TWSG1: variants seen among roughly 807,000 people sequenced by gnomAD.
The protein encoded by TWSG1 is twisted gastrulation BMP signaling modulator 1, also known as twisted gastrulation protein homolog 1.
Under a neutral mutation model 23.0 loss-of-function variants are expected in TWSG1, and 15 were observed. The ratio of observed to expected loss-of-function variants is 0.65; its 90% CI spans 0.44 to 1.00. The LOEUF is 1.00. Among genes scored for constraint, TWSG1 ranks in the 50% least tolerant of loss-of-function variants. The pLI is 0.00. For missense variants in TWSG1, 242 were observed against 278.7 expected (o/e 0.87, Z 0.94); for synonymous variants, 86 against 92.8 (o/e 0.93, Z 0.42).
intron 3 of TWSG1, among the ~76,000 whole-genome samples, chr18:9,361,035 C>T (rs1329085127): frequency 1.3e-5 from 2 of 152,040 alleles, no homozygotes; most frequent in African/African-American, 4.8e-5. Flanking sequence ...CAGTATTTAC[C>T]TTAATAATCA....
intron 3 of TWSG1, among the ~76,000 whole-genome samples, chr18:9,381,159 C>A (rs73383423): frequency 0.042 from 6,339 of 152,294 alleles, 439 homozygotes; most frequent in African/African-American, 0.15. Flanking sequence ...AAACCCCTCT[C>A]ACAATGAGGT....
intron 3 of TWSG1, among the ~76,000 whole-genome samples, chr18:9,373,100 C>T (rs2040613250): frequency 6.6e-6 from 1 of 152,072 alleles, no homozygotes; most frequent in African/African-American, 2.4e-5. Context: ...TAAGTGAGAA[C>T]AGCTATATTA....
chr18:9,367,392 G>C (rs6506656), intron 3 of TWSG1, among the ~76,000 whole-genome samples: 2 of 152,022 alleles, frequency 1.3e-5, no homozygotes, highest in Non-Finnish European at 2.9e-5. Context: ...CACCGCTTCT[G>C]TGAGTTCAAC....
intron 3 of TWSG1, chr18:9,388,312 C>T (rs1294265158): frequency 1.3e-5 from 2 of 152,194 alleles, no homozygotes; most frequent in Non-Finnish European, 2.9e-5. Context: ...GAAAAGTTCA[C>T]TTTATCTCAA....
chr18:9,397,060 C>A (rs1179026176), intron 4 of TWSG1: 43 of 144,174 alleles, frequency 3.0e-4, no homozygotes, highest in African/African-American at 3.1e-4. Flanking sequence ...TCCGTCTCAC[C>A]AAAAAAAAAA....
intron 2 of TWSG1, among the ~76,000 whole-genome samples, chr18:9,351,238 T>C (rs1294314814): frequency 1.3e-5 from 2 of 152,024 alleles, no homozygotes; most frequent in Non-Finnish European, 2.9e-5. Context: ...AAAATATATT[T>C]TCTACCCCCA....
At chr18:9,336,367 G>T (rs1307207035) in intron 1 of TWSG1, among the ~76,000 whole-genome samples, 1 of 151,762 alleles carries the variant, frequency 6.6e-6, no homozygotes. Flanking sequence ...ACTCCAGCCT[G>T]GGCGACAGAG....
intron 2 of TWSG1, among the ~76,000 whole-genome samples, chr18:9,345,404 A>C (rs1217286278): frequency 6.6e-6 from 1 of 152,172 alleles, no homozygotes; most frequent in Non-Finnish European, 1.5e-5. Context: ...TAATCCCAGC[A>C]CTTTGGGAGA....
intron 3 of TWSG1, among the ~76,000 whole-genome samples, chr18:9,379,621 TTATC>T (rs1405953873): frequency 2.0e-5 from 3 of 152,080 alleles, no homozygotes; most frequent in Non-Finnish European, 4.4e-5. Flanking sequence ...AATCACAAGT[TTATC>T]TATATAACAA....
At chr18:9,367,624 C>A (rs1032311070) in intron 3 of TWSG1, among the ~76,000 whole-genome samples, 2 of 152,182 alleles carry the variant, frequency 1.3e-5, no homozygotes, top group Admixed American at 6.5e-5. Context: ...GCTCCGTCTC[C>A]TGTCAGGTCA....
intron 3 of TWSG1, among the ~76,000 whole-genome samples, chr18:9,387,279 AAACTG>A (rs1568039289): frequency 2.0e-5 from 3 of 152,232 alleles, no homozygotes; most frequent in African/African-American, 7.2e-5. Flanking sequence ...AGAAAAAACA[AAACTG>A]AACAAGAAAA....
At chr18:9,368,193 G>GT (rs201184405) in intron 3 of TWSG1, among the ~76,000 whole-genome samples, 2,237 of 151,552 alleles carry the variant, frequency 0.015, 48 homozygotes, top group Middle Eastern at 0.058. Flanking sequence ...TTATTGTGGT[G>GT]TTTTTTTTGT....
At chr18:9,354,002 C>A (rs1656168488) in intron 2 of TWSG1, among the ~76,000 whole-genome samples, 1 of 151,974 alleles carries the variant, frequency 6.6e-6, no homozygotes, top group African/African-American at 2.4e-5. Context: ...TATAATAATG[C>A]CTTTGATTAA....
At chr18:9,340,625 C>T (rs963492797) in intron 2 of TWSG1, among the ~76,000 whole-genome samples, 1 of 152,122 alleles carries the variant, frequency 6.6e-6, no homozygotes, top group Non-Finnish European at 1.5e-5. Context: ...ATTTTGCTCA[C>T]GAATTTGCAT....
At chr18:9,361,434 CCA>C (rs2145608667) in intron 3 of TWSG1, among the ~76,000 whole-genome samples, 1 of 152,260 alleles carries the variant, frequency 6.6e-6, no homozygotes, top group African/African-American at 2.4e-5. Context: ...TTTAGGTACT[CCA>C]AAACGGACTG....
rs60354585 is a variant in TWSG1 at position 9,335,091 on chromosome 18, C to T, written c.-38+171C>T. ...ACAAAGTGGGGGTGCTGGGCGCGGG[C>T]GCACAGGCCGGACGCCGGGAGCCAG... is the stretch of plus-strand genomic sequence containing the variant. On this transcript the variant is annotated intron_variant, in intron 1 of 4. Coordinates refer to ENST00000262120, the MANE Select transcript of TWSG1 (RefSeq NM_020648.6). Among the ~76,000 whole-genome samples, 1,266 of 151,956 alleles carry T rather than the reference C, an allele frequency of 8.3e-3. 27 individuals carry two copies. The highest frequency in any genetic ancestry group is 0.029 in the African/African-American group (1,196 of 41,470).
At chr18:9,349,576 A>G (rs1487875588) in intron 2 of TWSG1, among the ~76,000 whole-genome samples, 1 of 152,204 alleles carries the variant, frequency 6.6e-6, no homozygotes, top group Non-Finnish European at 1.5e-5. Context: ...CTAGCTTTTA[A>G]AAGTATATTT....
chr18:9,356,606 A>G (rs1450057360), intron 2 of TWSG1, among the ~76,000 whole-genome samples: 1 of 152,154 alleles, frequency 6.6e-6, no homozygotes, highest in Non-Finnish European at 1.5e-5. Context: ...TACTTTTCTA[A>G]TTTGTTTCTC....
At chr18:9,390,682 A>T (rs2040708295) in intron 3 of TWSG1, among the ~76,000 whole-genome samples, 1 of 152,156 alleles carries the variant, frequency 6.6e-6, no homozygotes, top group African/African-American at 2.4e-5. Flanking sequence ...GTTACATGTC[A>T]TGCTATTTGA....
Sources: allele counts gnomAD v4.1 joint callset (sites outside exome capture counted in the v4.1 genomes callset), GRCh38; gene constraint gnomAD v4.1.1; transcripts MANE v1.5; gene names NCBI Gene and HGNC (gene_info 2026-07-23, HGNC 2026-07-21).